SV2C: variants seen among roughly 807,000 people sequenced by gnomAD.
SV2C encodes the protein solute carrier family 22 member B3.
In SV2C, 49 loss-of-function variants were observed where a neutral mutation model predicts 79.7. The observed-to-expected ratio is 0.61, with a 90% confidence interval of 0.49 to 0.78. The LOEUF (loss-of-function observed/expected upper bound fraction) is 0.78. Ranked by LOEUF, SV2C falls within the 30% of genes least tolerant of loss-of-function variation. SV2C has a pLI of 0.00. For synonymous variants in SV2C, 334 were observed against 333.2 expected, an observed-to-expected ratio of 1.00 and a Z score of -0.03; for missense variants, 833 against 912.9, an observed-to-expected ratio of 0.91 and a Z score of 1.13.
chr5:75,930,931 C>T, the SV2C span, among the ~76,000 whole-genome samples: 9 of 152,098 alleles, frequency 5.9e-5, no homozygotes, highest in Non-Finnish European at 1.2e-4. Flanking sequence ...CCCAGGAGTT[C>T]AAGACCAGCC....
chr5:75,986,368 A>T, the SV2C span, among the ~76,000 whole-genome samples: 10 of 151,718 alleles, frequency 6.6e-5, no homozygotes, highest in African/African-American at 2.2e-4. Context: ...GAGTGAAGTG[A>T]TGTGCTCTGA....
the SV2C span, among the ~76,000 whole-genome samples, chr5:75,988,818 C>G: frequency 0.049 from 7,521 of 152,024 alleles, 225 homozygotes; most frequent in South Asian, 0.14. Flanking sequence ...TATCCTCCCC[C>G]TTTTCACTCT....
At chr5:76,265,119 G>A (rs1239078474) in intron 4 of SV2C, among the ~76,000 whole-genome samples, 2 of 152,166 alleles carry the variant, frequency 1.3e-5, no homozygotes, top group East Asian at 3.9e-4. Flanking sequence ...CCCTAACTGG[G>A]GCTGCTGCCT....
intron 4 of SV2C, among the ~76,000 whole-genome samples, chr5:76,275,160 T>C (rs1053893931): frequency 2.0e-5 from 3 of 152,188 alleles, no homozygotes; most frequent in Non-Finnish European, 4.4e-5. Context: ...CCAAAAACTA[T>C]TTCATTAATA....
chr5:75,885,223 A>G, the SV2C span, among the ~76,000 whole-genome samples: 1 of 152,112 alleles, frequency 6.6e-6, no homozygotes, highest in East Asian at 1.9e-4. Context: ...TAACATTTTG[A>G]GCTGATGGGA....
chr5:76,150,537 G>A (rs188019803), intron 2 of SV2C, among the ~76,000 whole-genome samples: 9 of 149,528 alleles, frequency 6.0e-5, no homozygotes, highest in Non-Finnish European at 4.4e-5. Flanking sequence ...AGATGTCTTT[G>A]TGGAATATCA....
the SV2C span, among the ~76,000 whole-genome samples, chr5:75,941,780 G>A: frequency 7.9e-5 from 12 of 152,108 alleles, no homozygotes; most frequent in African/African-American, 2.9e-4. Flanking sequence ...TTTCTCCAAG[G>A]TAGGAATCTT....
chr5:76,010,653 T>C, the SV2C span, among the ~76,000 whole-genome samples: 1 of 152,172 alleles, frequency 6.6e-6, no homozygotes, highest in Non-Finnish European at 1.5e-5. Context: ...CTTCTAACTC[T>C]AACATTAAAA....
At chr5:76,251,568 T>A (rs894621627) in intron 4 of SV2C, among the ~76,000 whole-genome samples, 3 of 151,958 alleles carry the variant, frequency 2.0e-5, no homozygotes, top group African/African-American at 7.2e-5. Flanking sequence ...AAACAAAATA[T>A]TAAACACACA....
At chr5:76,135,481 G>A (rs984338794) in intron 2 of SV2C, among the ~76,000 whole-genome samples, 4 of 152,164 alleles carry the variant, frequency 2.6e-5, no homozygotes, top group African/African-American at 9.7e-5. Context: ...GAAAGGAGCA[G>A]CCAGGAGAAA....
intron 4 of SV2C, among the ~76,000 whole-genome samples, chr5:76,230,018 G>A (rs779012054): frequency 6.6e-6 from 1 of 152,208 alleles, no homozygotes; most frequent in South Asian, 2.1e-4. Context: ...GTTTGTGAAA[G>A]GAGAGAGTTA....
chr5:76,224,980 G>A (rs1192062463), intron 4 of SV2C, among the ~76,000 whole-genome samples: 1 of 152,110 alleles, frequency 6.6e-6, no homozygotes, highest in Non-Finnish European at 1.5e-5. Flanking sequence ...TATTTGCCCT[G>A]AGTTGCTTTG....
intron 4 of SV2C, among the ~76,000 whole-genome samples, chr5:76,245,281 G>A (rs1745909820): frequency 1.3e-5 from 2 of 152,156 alleles, no homozygotes; most frequent in African/African-American, 4.8e-5. Flanking sequence ...AAATGGCCAA[G>A]ACTTGGAGGA....
the SV2C span, among the ~76,000 whole-genome samples, chr5:76,045,597 T>C: frequency 5.1e-3 from 779 of 152,316 alleles, 1 homozygote; most frequent in Non-Finnish European, 9.3e-3. Flanking sequence ...AGCTGCAATC[T>C]TAAGCCAAAC....
the SV2C span, among the ~76,000 whole-genome samples, chr5:75,984,743 TC>T: frequency 1.3e-5 from 2 of 152,110 alleles, no homozygotes; most frequent in East Asian, 3.9e-4. Context: ...GGGCAAACCA[TC>T]AGGAAGGGCA....
chr5:76,304,929 C>T (rs1359915767), intron 12 of SV2C, among the ~76,000 whole-genome samples: 1 of 152,104 alleles, frequency 6.6e-6, no homozygotes, highest in Non-Finnish European at 1.5e-5. Context: ...TTAATTGGCT[C>T]ATGGTTCTGC....
At chr5:76,345,033 T>C (rs1044278230) in intron 12 of SV2C, among the ~76,000 whole-genome samples, 2 of 152,256 alleles carry the variant, frequency 1.3e-5, no homozygotes, top group African/African-American at 4.8e-5. Context: ...TATTCAGGAC[T>C]AACCCAGCAT....
At chr5:76,062,060 C>T in the SV2C span, among the ~76,000 whole-genome samples, 1 of 151,932 alleles carries the variant, frequency 6.6e-6, no homozygotes, top group Admixed American at 6.6e-5. Flanking sequence ...TTAGTGACCC[C>T]TAAAACGTTT....
the SV2C span, among the ~76,000 whole-genome samples, chr5:75,959,295 A>G: frequency 6.6e-6 from 1 of 152,006 alleles, no homozygotes; most frequent in Non-Finnish European, 1.5e-5. Flanking sequence ...TGCTGCCTGC[A>G]TAAAACATCT....
Sources: allele counts gnomAD v4.1 joint callset (sites outside exome capture counted in the v4.1 genomes callset), GRCh38; gene constraint gnomAD v4.1.1; transcripts MANE v1.5; gene names NCBI Gene and HGNC (gene_info 2026-07-23, HGNC 2026-07-21).